Variants in AEBP2 observed in about 807,000 individuals in gnomAD.
The protein encoded by AEBP2 is AE binding protein 2, also known as zinc finger protein AEBP2.
AEBP2 carries 10 observed loss-of-function variants against 50.8 expected under a neutral mutation model. The ratio of observed to expected loss-of-function variants is 0.20; its 90% CI spans 0.12 to 0.33. The LOEUF is 0.33. Among genes scored for constraint, AEBP2 ranks in the 10% least tolerant of loss-of-function variants. The probability of loss-of-function intolerance (pLI) is 1.00; values close to 1 mark genes in which losing one functional copy is unlikely to be tolerated. For missense variants in AEBP2, 570 were observed against 688.0 expected (o/e 0.83, Z 1.92); for synonymous variants, 296 against 261.3 (o/e 1.13, Z -1.28).
rs1949393785 is a variant in AEBP2 at position 19,521,241 on chromosome 12, A to G, written c.*3124A>G. On this transcript the variant is annotated 3_prime_UTR_variant, in exon 8 of 8. Transcript: ENST00000266508. ...CTTGCATTTTAATATGACAATGTTG[A>G]TCTTGGTAATAAGCCAGTACATTAA... 1 of 152,214 alleles carries G rather than the reference A, an allele frequency of 6.6e-6. No homozygotes were observed. The highest frequency in any genetic ancestry group is 1.5e-5 in the Non-Finnish European group (1 of 68,036). 9.4% of individuals were successfully genotyped at this position (152,214 alleles called of 1,614,324 possible).
chr12:19,469,479 A>G (rs1948538676), intron 2 of AEBP2, among the ~76,000 whole-genome samples: 1 of 152,196 alleles, frequency 6.6e-6, no homozygotes, highest in African/African-American at 2.4e-5. Flanking sequence ...CATAGCTGCA[A>G]AGTGAAAGAA....
chr12:19,510,480 A>G (rs1360312725), intron 5 of AEBP2, among the ~76,000 whole-genome samples: 1 of 152,198 alleles, frequency 6.6e-6, no homozygotes, highest in Admixed American at 6.5e-5. Flanking sequence ...TAAAAATTTG[A>G]TGTGAATTTT....
chr12:19,433,499 G>T (rs1414351393), intron 1 of AEBP2, among the ~76,000 whole-genome samples: 2 of 152,032 alleles, frequency 1.3e-5, no homozygotes, highest in East Asian at 3.9e-4. Context: ...AAACTCTAAG[G>T]CCAGGCACGG....
At chr12:19,500,038 T>C (rs1002844812) in intron 4 of AEBP2, 59 bp from the exon 5 acceptor site, 30 of 1,425,032 alleles carry the variant, frequency 2.1e-5, no homozygotes, top group South Asian at 1.8e-4. Flanking sequence ...TTTCCATCTT[T>C]ATTACTTATT....
chr12:19,514,801 C>T lies in AEBP2; in HGVS notation c.1481+17C>T, dbSNP rs1265598332. ...CATATACAGGTAATTTAATTCTTGC[C>T]TTTATGTTTTACTTTTTGATTTGTA... is the stretch of plus-strand genomic sequence containing the variant. On this transcript the variant is annotated intron_variant, in intron 7 of 7. Transcript: ENST00000266508. 3 of 1,566,686 alleles carry T rather than the reference C, an allele frequency of 1.9e-6. No individual in the cohort carries two copies. Among genetic ancestry groups the T allele is most frequent in the South Asian group, 1.2e-5 (1 of 84,904 alleles).
At chr12:19,464,498 T>C (rs1489287263) in intron 2 of AEBP2, among the ~76,000 whole-genome samples, 3 of 152,202 alleles carry the variant, frequency 2.0e-5, no homozygotes, top group Non-Finnish European at 4.4e-5. Flanking sequence ...GCATACAACC[T>C]GATGAGAATT....
At chr12:19,494,767 A>G (rs1299977072) in intron 4 of AEBP2, among the ~76,000 whole-genome samples, 2 of 152,096 alleles carry the variant, frequency 1.3e-5, no homozygotes, top group African/African-American at 2.4e-5. Flanking sequence ...ACTTACCAAA[A>G]TGTATCCTTG....
intron 1 of AEBP2, among the ~76,000 whole-genome samples, chr12:19,424,019 A>C (rs373320333): frequency 7.9e-5 from 12 of 152,306 alleles, no homozygotes; most frequent in African/African-American, 2.9e-4. Context: ...TGAATCTGGG[A>C]GGCTCTCAGC....
intron 7 of AEBP2, 32 bp from the exon 8 acceptor site, chr12:19,518,055 G>C: frequency 6.3e-7 from 1 of 1,578,374 alleles, no homozygotes; most frequent in South Asian, 1.2e-5. Flanking sequence ...TGATTCAGTT[G>C]AATAAAAGGA....
At chr12:19,441,947 A>T (rs546509594) in intron 1 of AEBP2, among the ~76,000 whole-genome samples, 1 of 152,096 alleles carries the variant, frequency 6.6e-6, no homozygotes, top group Non-Finnish European at 1.5e-5. Flanking sequence ...CATTCCCACA[A>T]CTATGGTGCA....
intron 1 of AEBP2, among the ~76,000 whole-genome samples, chr12:19,447,696 C>G (rs1474652594): frequency 6.6e-6 from 1 of 151,932 alleles, no homozygotes; most frequent in Non-Finnish European, 1.5e-5. Flanking sequence ...TTTATATATC[C>G]CCATTTCTCA....
chr12:19,492,322 G>A (rs1230970905), intron 3 of AEBP2, among the ~76,000 whole-genome samples: 1 of 151,858 alleles, frequency 6.6e-6, no homozygotes, highest in Admixed American at 6.6e-5. Flanking sequence ...CACTTATACC[G>A]CAGTTAATTT....
chr12:19,415,372 T>TATATATAG (rs2095741950), intron 1 of AEBP2, among the ~76,000 whole-genome samples: 1 of 94,108 alleles, frequency 1.1e-5, no homozygotes, highest in Non-Finnish European at 2.3e-5. Context: ...TATATATATA[T>TATATATAG]ATATATGAAA....
intron 7 of AEBP2, among the ~76,000 whole-genome samples, chr12:19,515,479 G>T (rs1244490792): frequency 6.6e-6 from 1 of 152,162 alleles, no homozygotes; most frequent in Admixed American, 6.5e-5. Context: ...CACGAATGTG[G>T]TTGAACTCCA....
chr12:19,482,612 T>C (rs1948746739), intron 3 of AEBP2, among the ~76,000 whole-genome samples: 1 of 152,172 alleles, frequency 6.6e-6, no homozygotes, highest in Non-Finnish European at 1.5e-5. Context: ...TTGCCCTAAG[T>C]TGGCCTGGGC....
chr12:19,472,425 A>G (rs1398784767), intron 2 of AEBP2, among the ~76,000 whole-genome samples: 1 of 152,164 alleles, frequency 6.6e-6, no homozygotes, highest in Non-Finnish European at 1.5e-5. Context: ...GGAAATTGAC[A>G]TGTCACTGGT....
Position 19,518,132 on chromosome 12 carries a change from C to T in AEBP2, c.*15C>T. ...TGAAGAGGTAAAAAATAAATAAATA[C>T]ATAAAAAGCAAACAAGCGGGGACAC... On this transcript the variant is annotated 3_prime_UTR_variant, in exon 8 of 8. Coordinates refer to ENST00000266508, the MANE Select transcript of AEBP2 (RefSeq NM_153207.5). 6.3e-7 allele frequency: 1 copy of T among 1,582,282 alleles called. No individual in the cohort carries two copies. Among genetic ancestry groups the T allele is most frequent in the Non-Finnish European group, 8.6e-7 (1 of 1,163,482 alleles).
At chr12:19,451,619 C>T (rs1490700377) in intron 1 of AEBP2, among the ~76,000 whole-genome samples, 1 of 152,026 alleles carries the variant, frequency 6.6e-6, no homozygotes, top group South Asian at 2.1e-4. Context: ...TAATACAGAC[C>T]ACACCTATTA....
chr12:19,468,377 A>G (rs1230644167), intron 2 of AEBP2, among the ~76,000 whole-genome samples: 1 of 152,164 alleles, frequency 6.6e-6, no homozygotes, highest in Non-Finnish European at 1.5e-5. Flanking sequence ...CAGTATAATT[A>G]GGCCTTTATT....
Sources: gnomAD v4.1 joint callset for allele counts (sites outside exome capture counted in the v4.1 genomes callset) on GRCh38, gnomAD v4.1.1 for gene constraint, MANE v1.5 for transcripts, NCBI Gene and HGNC (gene_info 2026-07-23, HGNC 2026-07-21) for gene names.